The following PXDNL variants were observed in gnomAD, a reference collection of about 807,000 sequenced individuals.
PXDNL encodes peroxidasin like, also known as probable oxidoreductase PXDNL.
A neutral mutation model predicts 150.8 loss-of-function variants in PXDNL; 145 were observed. The ratio of observed to expected loss-of-function variants is 0.96; its 90% CI spans 0.84 to 1.10. The LOEUF is 1.10. Ranked by LOEUF, PXDNL falls within the 50% of genes least tolerant of loss-of-function variation. PXDNL has a pLI of 0.00. For missense variants in PXDNL, 2,087 were observed against 1,873.9 expected, an observed-to-expected ratio of 1.11 and a Z score of -2.10; for synonymous variants, 757 against 725.7, an observed-to-expected ratio of 1.04 and a Z score of -0.69.
Position 51,642,400 on chromosome 8 carries a change from T to A in PXDNL, c.236+12289A>T, listed in dbSNP as rs184619556. Among the ~76,000 whole-genome samples, 11 of 152,168 alleles carry A rather than the reference T, an allele frequency of 7.2e-5. No individual in the cohort carries two copies. In the East Asian group the frequency reaches 2.1e-3, roughly 29 times the overall value. The stretch of plus-strand genomic sequence containing the variant: ...AATAAAATAAAAAAATGCAAATCAA[T>A]AAACATAATCCAGCATATAAACAGA... On this transcript the variant is annotated intron_variant, in intron 2 of 22. Transcript: ENST00000356297.
At chr8:51,692,277 T>C (rs151085849) in intron 1 of PXDNL, among the ~76,000 whole-genome samples, 12 of 152,322 alleles carry the variant, frequency 7.9e-5, no homozygotes, top group Admixed American at 7.2e-4. Flanking sequence ...CAAAAATCTC[T>C]TTCCAAGAAA....
At chr8:51,486,785 T>TAA (rs1810765549) in intron 5 of PXDNL, among the ~76,000 whole-genome samples, 2 of 23,846 alleles carry the variant, frequency 8.4e-5, no homozygotes, top group Non-Finnish European at 1.4e-4. Context: ...TATATATATA[T>TAA]ATATATATAT....
chr8:51,355,820 C>T (rs1231318002), intron 19 of PXDNL, among the ~76,000 whole-genome samples: 1 of 152,156 alleles, frequency 6.6e-6, no homozygotes, highest in African/African-American at 2.4e-5. Context: ...TATTGATTAG[C>T]TGATACTGAA....
In PXDNL at chr8:51,339,650, C is replaced by A. The variant is rs776617130; in HGVS notation, c.4120G>T (p.Glu1374Ter). Residue 1374 changes from glutamate (E) to a stop codon, truncating the protein, a stop_gained, in exon 21 of 23, where the codon GAA becomes TAA. Transcript: ENST00000356297. LOFTEE classifies it high-confidence loss of function. ...TGCTCTCTGAGTGCTGTGATGGTTT[C>A]CTGAATTTCCGCTGCAAACGTGCTG... ...DFSTFAAEIQETITALREQIN... is the reference protein window; with the variant it reads ...DFSTFAAEIQ The A allele has an allele frequency of 3.1e-6, 5 of 1,613,608 alleles. No individual in the cohort carries two copies. Among genetic ancestry groups the A allele is most frequent in the Non-Finnish European group, 4.2e-6 (5 of 1,179,780 alleles).
intron 20 of PXDNL, among the ~76,000 whole-genome samples, chr8:51,340,834 A>G (rs1207871593): frequency 2.0e-5 from 3 of 152,230 alleles, no homozygotes; most frequent in African/African-American, 7.2e-5. Flanking sequence ...AACAGTTTAA[A>G]TATACAAGTA....
chr8:51,635,614 G>T (rs1033233130), intron 2 of PXDNL, among the ~76,000 whole-genome samples: 2 of 151,808 alleles, frequency 1.3e-5, no homozygotes, highest in South Asian at 2.1e-4. Context: ...ATAAAATAGA[G>T]AAATTATTAG....
chr8:51,504,456 T>C (rs1811245952), intron 4 of PXDNL, among the ~76,000 whole-genome samples: 1 of 152,154 alleles, frequency 6.6e-6, no homozygotes, highest in South Asian at 2.1e-4. Context: ...TGATTGTCTT[T>C]GTAGCCCAGT....
At chr8:51,743,908 A>AAAGGAAGGAAGGAAGGAAGG (rs61300692) in intron 1 of PXDNL, among the ~76,000 whole-genome samples, 6,705 of 66,932 alleles carry the variant, frequency 0.1, 1,035 homozygotes, top group Admixed American at 0.16. Context: ...GCTGAGAGAG[A>AAAGGAAGGAAGGAAGGAAGG]AAGGAAGGAA....
At chr8:51,328,871 C>A (rs1283451094) in intron 21 of PXDNL, among the ~76,000 whole-genome samples, 1 of 152,120 alleles carries the variant, frequency 6.6e-6, no homozygotes, top group Non-Finnish European at 1.5e-5. Context: ...ACACCCAAAG[C>A]CTTCTCCATA....
intron 3 of PXDNL, among the ~76,000 whole-genome samples, chr8:51,569,868 C>T (rs534058750): frequency 6.6e-5 from 10 of 151,950 alleles, no homozygotes; most frequent in African/African-American, 1.7e-4. Context: ...TCTAAAGTGC[C>T]TTGCTTGAGA....
At chr8:51,762,223 A>G (rs1426585286) in intron 1 of PXDNL, among the ~76,000 whole-genome samples, 1 of 152,160 alleles carries the variant, frequency 6.6e-6, no homozygotes, top group African/African-American at 2.4e-5. Flanking sequence ...TTACTTTTCA[A>G]TCTGCCTCTG....
intron 17 of PXDNL, among the ~76,000 whole-genome samples, chr8:51,400,256 G>A (rs1808207359): frequency 6.6e-6 from 1 of 152,140 alleles, no homozygotes; most frequent in Admixed American, 6.5e-5. Flanking sequence ...GCTGAAGGGG[G>A]CTGTGGAAGT....
chr8:51,618,099 C>T (rs1814168027), intron 2 of PXDNL, among the ~76,000 whole-genome samples: 1 of 152,260 alleles, frequency 6.6e-6, no homozygotes, highest in Non-Finnish European at 1.5e-5. Flanking sequence ...AAATGGCCTT[C>T]TGGGCCCCCA....
At chr8:51,458,063 C>A (rs527813719) in intron 8 of PXDNL, among the ~76,000 whole-genome samples, 1 of 152,300 alleles carries the variant, frequency 6.6e-6, no homozygotes, top group East Asian at 1.9e-4. Flanking sequence ...TTCCATGAGT[C>A]ATTCAGTATT....
chr8:51,426,894 G>A (rs756627306), intron 12 of PXDNL, 136 bp from the exon 13 acceptor site: 22 of 581,690 alleles, frequency 3.8e-5, no homozygotes, highest in East Asian at 8.8e-5. Flanking sequence ...TTACTTGGAC[G>A]TCTAGGGGAA....
At chr8:51,509,706 C>T (rs1811368088) in intron 4 of PXDNL, among the ~76,000 whole-genome samples, 1 of 150,864 alleles carries the variant, frequency 6.6e-6, no homozygotes, top group Non-Finnish European at 1.5e-5. Context: ...CCCCTCCCTC[C>T]CCTGGTTCTG....
At chr8:51,447,440 G>A (rs1209820329) in intron 11 of PXDNL, among the ~76,000 whole-genome samples, 1 of 151,966 alleles carries the variant, frequency 6.6e-6, no homozygotes, top group South Asian at 2.1e-4. Context: ...TGTGCCCCTC[G>A]GCCTTACTAT....
rs535498809 is a variant in PXDNL at position 51,546,557 on chromosome 8, G to A, written c.380+10283C>T. On this transcript the variant is annotated intron_variant, in intron 4 of 22. Transcript: ENST00000356297. The stretch of plus-strand genomic sequence containing the variant: ...AGCAGAATTGGGGAGGGGCCACAGG[G>A]TAAAGGAAGCTCCTAGTTGAACTTG... Among the ~76,000 whole-genome samples the A allele has an allele frequency of 2.6e-5, 4 of 152,314 alleles. No homozygotes were observed. In the South Asian group the frequency reaches 8.3e-4, roughly 32 times the overall value.
At chr8:51,333,524 C>T (rs1805749618) in intron 21 of PXDNL, among the ~76,000 whole-genome samples, 1 of 152,160 alleles carries the variant, frequency 6.6e-6, no homozygotes, top group African/African-American at 2.4e-5. Context: ...TGTAAATGTA[C>T]TCAATGCTCC....
Sources: gnomAD v4.1 joint callset for allele counts (sites outside exome capture counted in the v4.1 genomes callset) on GRCh38, gnomAD v4.1.1 for gene constraint, MANE v1.5 for transcripts, NCBI Gene and HGNC (gene_info 2026-07-23, HGNC 2026-07-21) for gene names.